The following CEP295 variants were observed in gnomAD, a reference collection of about 807,000 sequenced individuals.
The protein encoded by CEP295 is centrosomal protein 295.
A neutral mutation model predicts 291.6 loss-of-function variants in CEP295; 190 were observed. The observed-to-expected ratio is 0.65, with a 90% CI of 0.58 to 0.73. CEP295 has a LOEUF of 0.73. Among genes scored for constraint, CEP295 ranks in the 30% least tolerant of loss-of-function variants. The pLI is 0.00. For missense variants in CEP295, 2,863 were observed against 2,949.4 expected (o/e 0.97, Z 0.68); for synonymous variants, 993 against 1,038.8 (o/e 0.96, Z 0.85).
rs1254183752 is a variant in CEP295, at chr11:93,730,074, AAAC to A, written c.7699_7701del (p.Gln2567del). On this transcript the variant is annotated inframe_deletion, in exon 29 of 30. Coordinates refer to ENST00000325212, the MANE Select transcript of CEP295 (RefSeq NM_033395.2). ...GTTATACAATCAACTAGCTGAAGTGAAACAACAAAAGGAAGAAAAAACAAAACA... is the reference window on the plus strand; with the variant it reads ...GTTATACAATCAACTAGCTGAAGTGAAACAAAAGGAAGAAAAAACAAAACA... 3.2e-6 allele frequency: 5 copies of A among 1,550,830 alleles called. No individual in the cohort carries two copies. Among genetic ancestry groups the A allele is most frequent in the Admixed American group, 3.9e-5 (2 of 50,856 alleles).
intron 9 of CEP295, among the ~76,000 whole-genome samples, chr11:93,686,233 C>T (rs1175968304): frequency 4.6e-5 from 7 of 151,880 alleles, no homozygotes; most frequent in African/African-American, 1.7e-4. Context: ...GCAGGATAAT[C>T]GCTTGAACCT....
In CEP295 at chr11:93,697,667, A is replaced by G. The variant is rs567489899; in HGVS notation, c.2755A>G (p.Asn919Asp). 3 of 1,551,892 alleles carry G rather than the reference A, an allele frequency of 1.9e-6. No homozygotes were observed. Among genetic ancestry groups the G allele is most frequent in the Non-Finnish European group, 2.6e-6 (3 of 1,147,046 alleles). Residue 919 changes from asparagine (N) to aspartate (D), a missense_variant, in exon 15 of 30, where the codon AAT becomes GAT. Physicochemically the swap from Asn to Asp is conservative, Grantham distance 23 (BLOSUM62 1). Around this residue, in one of 3 missense-constraint regions of CEP295, gnomAD observed 2,295 missense variants for 2,335.7 expected, o/e 0.98. Coordinates refer to ENST00000325212, the MANE Select transcript of CEP295 (RefSeq NM_033395.2). ...CCAGGAATCTTCACCAACCAAGAATAATATTGCAGTTTCCTCAGACCATCA... is the reference window on the plus strand; with the variant it reads ...CCAGGAATCTTCACCAACCAAGAATGATATTGCAGTTTCCTCAGACCATCA... ...RIQESSPTKN[N>D]IAVSSDHHVI... is the part of the protein sequence containing the mutation.
intron 5 of CEP295, 43 bp downstream of exon 5, chr11:93,669,813 T>C (rs1950349255): frequency 3.1e-6 from 4 of 1,272,902 alleles, no homozygotes; most frequent in South Asian, 2.6e-5. Flanking sequence ...AATTCTTCTT[T>C]ACTATTATAA....
intron 1 of CEP295, among the ~76,000 whole-genome samples, chr11:93,666,409 C>A (rs1255104486): frequency 6.6e-6 from 1 of 152,114 alleles, no homozygotes; most frequent in Non-Finnish European, 1.5e-5. Flanking sequence ...GCCTGGCCAA[C>A]ATGGTGAAAC....
At chr11:93,725,910 C>T in intron 23 of CEP295, 79 bp downstream of exon 23, 1 of 1,268,328 alleles carries the variant, frequency 7.9e-7, no homozygotes, top group Non-Finnish European at 1.1e-6. Flanking sequence ...AGCCTAGCAC[C>T]TCTTGGTTTG....
At position 93,730,151 on chromosome 11, in the gene CEP295, G is replaced by A. The variant is rs146033905; in HGVS notation, c.7767+3G>A. The A allele has an allele frequency of 5.1e-4, 795 of 1,550,930 alleles. 2 individuals are homozygous for A. In the African/African-American group the frequency reaches 9.9e-3, roughly 19 times the overall value. On this transcript the variant is annotated splice_donor_region_variant and intron_variant, in intron 29 of 29. Coordinates refer to ENST00000325212, the MANE Select transcript of CEP295 (RefSeq NM_033395.2). ...CAAGGGCAAAAGAATTCCATAAGGT[G>A]AGTATAACTGAGGGAGAAGGACTTA...
Position 93,698,932 on chromosome 11 carries a change from A to G in CEP295, c.4020A>G (p.Ile1340Met). Residue 1340 changes from isoleucine to methionine, a missense_variant, in exon 15 of 30, where the codon ATA becomes ATG. Ile to Met is a conservative substitution (Grantham distance 10). Transcript: ENST00000325212. Reference sequence around the variant, plus strand: ...AATTGCAGGATAGGCTTTTGAGGATATCGCAACTTATCCAGCCTCAACAAG... The same window carrying G: ...AATTGCAGGATAGGCTTTTGAGGATGTCGCAACTTATCCAGCCTCAACAAG... ...IPQLQDRLLRISQLIQPQQDN... is the reference protein window; with the variant it reads ...IPQLQDRLLRMSQLIQPQQDN... The G allele has an allele frequency of 1.3e-6, 2 of 1,551,600 alleles. No individual in the cohort carries two copies. Among genetic ancestry groups the G allele is most frequent in the Middle Eastern group, 1.7e-4 (1 of 5,992 alleles).
intron 18 of CEP295, among the ~76,000 whole-genome samples, chr11:93,712,856 T>TTTGTTGTTGTTGTTG (rs56969423): frequency 6.7e-5 from 10 of 148,764 alleles, no homozygotes; most frequent in Non-Finnish European, 1.0e-4. Context: ...TTTCTTCTGT[T>TTTGTTGTTGTTGTTG]TTGTTGTTGT....
chr11:93,672,610 C>CT (rs1950504682), intron 5 of CEP295, among the ~76,000 whole-genome samples: 1 of 152,016 alleles, frequency 6.6e-6, no homozygotes, highest in African/African-American at 2.4e-5. Context: ...TTTTCCATTG[C>CT]TGCATGAGCC....
chr11:93,722,227 G>A (rs1953789381), intron 20 of CEP295, among the ~76,000 whole-genome samples, 177 bp downstream of exon 20: 1 of 152,154 alleles, frequency 6.6e-6, no homozygotes, highest in Non-Finnish European at 1.5e-5. Flanking sequence ...CCAGCACCTT[G>A]AGGTGGGAGG....
chr11:93,713,312 C>A (rs527531478), intron 18 of CEP295, among the ~76,000 whole-genome samples: 10 of 152,126 alleles, frequency 6.6e-5, no homozygotes, highest in Non-Finnish European at 1.5e-5. Flanking sequence ...ACCTTCAGAT[C>A]ATTTTTTATT....
In CEP295 at chr11:93,697,514, C is replaced by T; in HGVS notation, c.2602C>T (p.Gln868Ter). ...AGTTCTTCAGGCAACTCAGGAAGCT[C>T]AGGAACAGTTGCTTTTGTGCAAACA... is the stretch of plus-strand genomic sequence containing the variant. ...KKVLQATQEA[Q>*]EQLLLCKQKE... The change falls in exon 15 of 30, where the codon CAG becomes TAG. Residue 868 changes from glutamine (Q) to a stop codon, truncating the protein, a stop_gained. Transcript: ENST00000325212. LOFTEE classifies it high-confidence loss of function. 2.6e-6 allele frequency: 4 copies of T among 1,551,804 alleles called. No homozygotes were observed. Among genetic ancestry groups the T allele is most frequent in the Non-Finnish European group, 3.5e-6 (4 of 1,147,004 alleles).
At chr11:93,679,269 T>G in intron 6 of CEP295, 143 bp from the exon 7 acceptor site, 1 of 696,486 alleles carries the variant, frequency 1.4e-6, no homozygotes, top group Non-Finnish European at 2.4e-6. Context: ...GTACATGCCG[T>G]TGATAATTGT....
chr11:93,693,553 T>G (rs1459904200), intron 12 of CEP295, among the ~76,000 whole-genome samples: 1 of 151,940 alleles, frequency 6.6e-6, no homozygotes, highest in Non-Finnish European at 1.5e-5. Flanking sequence ...GTCAGGAGTT[T>G]GAGACCAGCC....
chr11:93,696,900 C>G lies in CEP295; in HGVS notation c.1988C>G (p.Pro663Arg). 6.4e-7 allele frequency: 1 copy of G among 1,551,978 alleles called. No homozygotes were observed. Among genetic ancestry groups the G allele is most frequent in the Non-Finnish European group, 8.7e-7 (1 of 1,147,074 alleles). The change falls in exon 15 of 30, where the codon CCT becomes CGT. Residue 663 changes from proline to arginine, a missense_variant. By Grantham distance (103) the Pro-to-Arg change is moderately radical (BLOSUM62 -2). This residue lies in a region of CEP295 where 2,295 missense variants were observed against 2,335.7 expected (regional missense o/e 0.98). Coordinates refer to ENST00000325212, the MANE Select transcript of CEP295 (RefSeq NM_033395.2). The stretch of plus-strand genomic sequence containing the variant: ...CCTAACAAATACCAACCCATACAAC[C>G]TATACAGACCTCCAAATTAGAACAA... ...LSPNKYQPIQ[P>R]IQTSKLEQDH...
intron 18 of CEP295, among the ~76,000 whole-genome samples, chr11:93,714,571 T>A (rs1591122339): frequency 6.6e-6 from 1 of 152,308 alleles, no homozygotes; most frequent in African/African-American, 2.4e-5. Context: ...TTCCTTACAG[T>A]CTTTGCATTC....
At position 93,727,142 on chromosome 11, in the gene CEP295, G is replaced by T. The variant is rs1349753934; in HGVS notation, c.6666G>T (p.Lys2222Asn). The T allele has an allele frequency of 6.5e-7, 1 of 1,549,302 alleles. No homozygotes were observed. The highest frequency in any genetic ancestry group is 8.7e-7 in the Non-Finnish European group (1 of 1,146,358). The stretch of plus-strand genomic sequence containing the variant: ...AACATACTGAAATATTACAAAACAA[G>T]AAAAAAATTGTTCATTTCCAGCTTT... The part of the protein sequence containing the change: ...SEEHTEILQN[K>N]KKIVHFQLSI... Residue 2222 changes from lysine to asparagine, a missense_variant, in exon 24 of 30, where the codon AAG (lysine) becomes AAT (asparagine). Coordinates refer to ENST00000325212, the MANE Select transcript of CEP295 (RefSeq NM_033395.2).
At position 93,697,272 on chromosome 11, in the gene CEP295, T is replaced by C; in HGVS notation, c.2360T>C (p.Val787Ala). ...SYHLTEPSSF[V>A]PLVPQHSFSS... ...CATTTAACTGAACCTTCTTCATTTG[T>C]ACCACTGGTACCTCAGCATTCTTTT... is the stretch of plus-strand genomic sequence containing the variant. The change falls in exon 15 of 30, where the codon GTA becomes GCA. Residue 787 changes from valine (V) to alanine (A), a missense_variant. Val to Ala is a moderately conservative substitution (Grantham distance 64). Around this residue, in one of 3 missense-constraint regions of CEP295, gnomAD observed 2,295 missense variants for 2,335.7 expected, o/e 0.98. Transcript: ENST00000325212. 4 of 1,551,780 alleles carry C rather than the reference T, an allele frequency of 2.6e-6. No homozygotes were observed. Among genetic ancestry groups the C allele is most frequent in the Non-Finnish European group, 2.6e-6 (3 of 1,147,010 alleles).
rs181537079 is a variant in CEP295 at position 93,721,477 on chromosome 11, A to G, written c.5850+65A>G. ...TTTGGCTTCGTATTCTCTTTTGTTTAGTTTACAGAAGCTATGTTATAACAT... is the reference window on the plus strand; with the variant it reads ...TTTGGCTTCGTATTCTCTTTTGTTTGGTTTACAGAAGCTATGTTATAACAT... On this transcript the variant is annotated intron_variant, in intron 19 of 29. Transcript: ENST00000325212. The G allele has an allele frequency of 1.3e-3, 1,286 of 983,362 alleles. 10 individuals carry two copies. The African/African-American group carries it at 0.017, about 13-fold the overall frequency. The allele number at this position is 983,362 out of a possible 1,614,324, so 60.9% of individuals were successfully genotyped here. A position where few individuals can be genotyped will look rare whatever the true frequency, so the allele number is the denominator to read the frequency against.
Sources: gnomAD v4.1 joint callset for allele counts (sites outside exome capture counted in the v4.1 genomes callset) on GRCh38, gnomAD v4.1.1 for gene constraint, gnomAD v4.1.1 regional missense constraint, MANE v1.5 for transcripts, NCBI Gene and HGNC (gene_info 2026-07-23, HGNC 2026-07-21) for gene names.